SHROOM4: variants seen among roughly 807,000 people sequenced by gnomAD.
SHROOM4 encodes the protein protein Shroom4.
Under a neutral mutation model 80.3 loss-of-function variants are expected in SHROOM4, and 17 were observed. That is an observed-to-expected ratio of 0.21 (90% CI 0.14 to 0.32). The LOEUF is 0.32. Among genes scored for constraint, SHROOM4 ranks in the 10% least tolerant of loss-of-function variants. The pLI, the probability that SHROOM4 is intolerant of heterozygous loss-of-function variation, is 1.00. For missense variants in SHROOM4, 993 were observed against 1,140.3 expected (o/e 0.87, Z 1.86); for synonymous variants, 400 against 437.5 (o/e 0.91, Z 1.07).
At chrX:50,622,671 A>C (rs1482895140) in intron 5 of SHROOM4, among the ~76,000 whole-genome samples, 1 of 111,844 alleles carries the variant, frequency 8.9e-6, no homozygotes, top group Non-Finnish European at 1.9e-5. Context: ...AACATAGTAA[A>C]TGTTAAAATT....
At chrX:50,725,497 T>C (rs782687546) in intron 1 of SHROOM4, among the ~76,000 whole-genome samples, 1 of 112,387 alleles carries the variant, frequency 8.9e-6, no homozygotes, top group African/African-American at 3.2e-5. Flanking sequence ...CCATCTCAAA[T>C]TGTAATCCCC....
Position 50,610,352 on chromosome X carries a change from T to TCTCTCTCTCTCACACACACACA in SHROOM4, c.2958-2169_2958-2168insTGTGTGTGTGTGAGAGAGAGAG, listed in dbSNP as rs782591424. Among the ~76,000 whole-genome samples the TCTCTCTCTCTCACACACACACA allele has an allele frequency of 8.4e-4, 77 of 91,707 alleles. 2 individuals are homozygous for TCTCTCTCTCTCACACACACACA. Among genetic ancestry groups the TCTCTCTCTCTCACACACACACA allele is most frequent in the African/African-American group, 3.4e-3 (74 of 21,868 alleles). 79.6% of individuals were successfully genotyped at this position (91,707 alleles called of 115,157 possible). A position where few individuals can be genotyped will look rare whatever the true frequency, so the allele number is the denominator to read the frequency against. ...GGCATATTCTCTCTCTCTCTCTCTC[T>TCTCTCTCTCTCACACACACACA]CACACACACACACACACACACACAC... On this transcript the variant is annotated intron_variant, in intron 5 of 8. Coordinates refer to ENST00000376020, the MANE Select transcript of SHROOM4 (RefSeq NM_020717.5).
In SHROOM4 at chrX:50,592,684, T is replaced by C. The variant is rs1321088320; in HGVS notation, c.*4011A>G. ...GAGAGCAGATCACCAAGGCCCTTGC[T>C]TTCCAGGGAGCTGAGCATGAAGGTG... On this transcript the variant is annotated 3_prime_UTR_variant, in exon 9 of 9. Transcript: ENST00000376020. 1 of 119,862 alleles carries C rather than the reference T, an allele frequency of 8.3e-6. No individual in the cohort carries two copies. The highest frequency in any genetic ancestry group is 3.2e-5 in the African/African-American group (1 of 30,889). The allele number at this position is 119,862 out of a possible 1,213,427, so 9.9% of individuals were successfully genotyped here. A position where few individuals can be genotyped will look rare whatever the true frequency, so the allele number is the denominator to read the frequency against.
chrX:50,747,584 C>T (rs1216728523), intron 1 of SHROOM4, among the ~76,000 whole-genome samples: 5 of 112,025 alleles, frequency 4.5e-5, no homozygotes, highest in African/African-American at 1.6e-4. Context: ...CAGAAATTGG[C>T]GAAGATGCTT....
chrX:50,801,261 G>GAGAGAGAGAGAGAGA, intron 1 of SHROOM4, among the ~76,000 whole-genome samples: 1 of 81,533 alleles, frequency 1.2e-5, no homozygotes, highest in South Asian at 8.0e-4. Context: ...GAGAGAAAGA[G>GAGAGAGAGAGAGAGA]GAGAGAGAGA....
At chrX:50,664,669 C>T (rs186609745) in intron 2 of SHROOM4, among the ~76,000 whole-genome samples, 209 of 111,940 alleles carry the variant, frequency 1.9e-3, no homozygotes, top group Non-Finnish European at 3.2e-3. Context: ...GCACATTTTG[C>T]ATGTTTTCTT....
At chrX:50,605,357 T>G (rs1557248316) in intron 6 of SHROOM4, among the ~76,000 whole-genome samples, 1 of 112,562 alleles carries the variant, frequency 8.9e-6, no homozygotes, top group African/African-American at 3.2e-5. Context: ...TTAGCTATTT[T>G]GGGAATGATG....
chrX:50,612,379 C>A (rs1226875067), intron 5 of SHROOM4, among the ~76,000 whole-genome samples: 1 of 111,217 alleles, frequency 9.0e-6, no homozygotes, highest in African/African-American at 3.3e-5. Context: ...CCACCAGTTA[C>A]CATAGGAAAA....
rs1380085524 is a variant in SHROOM4 at position 50,611,218 on chromosome X, A to G, written c.2958-3034T>C. 4.8e-5 allele frequency among the ~76,000 whole-genome samples: 4 copies of G among 83,980 alleles called. No homozygotes were observed. In the East Asian group the frequency reaches 1.5e-3, roughly 32 times the overall value. 72.9% of individuals were successfully genotyped at this position (83,980 alleles called of 115,157 possible). A position where few individuals can be genotyped will look rare whatever the true frequency, so the allele number is the denominator to read the frequency against. Reference sequence around the variant, plus strand: ...GGCCGGACTGCAGTGGCGCTTTCTTAGCTCACTGCAAGCTCCGCCTCCCGG... The same window carrying G: ...GGCCGGACTGCAGTGGCGCTTTCTTGGCTCACTGCAAGCTCCGCCTCCCGG... On this transcript the variant is annotated intron_variant, in intron 5 of 8. Transcript: ENST00000376020.
chrX:50,737,436 T>A (rs1934522080), intron 1 of SHROOM4, among the ~76,000 whole-genome samples: 1 of 111,377 alleles, frequency 9.0e-6, no homozygotes, highest in Admixed American at 9.6e-5. Context: ...GAAAACAAGA[T>A]ATAACTGCAT....
intron 1 of SHROOM4, among the ~76,000 whole-genome samples, chrX:50,762,068 T>A (rs190135832): frequency 7.0e-4 from 78 of 112,182 alleles, no homozygotes; most frequent in African/African-American, 2.4e-3. Flanking sequence ...ATTTCCTCCT[T>A]CTTCCTTTGT....
intron 5 of SHROOM4, among the ~76,000 whole-genome samples, chrX:50,627,168 G>A (rs1267311854): frequency 9.0e-6 from 1 of 111,559 alleles, no homozygotes; most frequent in Non-Finnish European, 1.9e-5. Context: ...GATTTGAATG[G>A]GGTCTAGAAT....
rs1177317272 is a variant in SHROOM4, at chrX:50,594,472, G to A, written c.*2223C>T. The A allele has an allele frequency of 1.8e-5, 2 of 111,662 alleles. No individual in the cohort carries two copies. The highest frequency in any genetic ancestry group is 3.8e-5 in the Non-Finnish European group (2 of 53,157). 9.2% of individuals were successfully genotyped at this position (111,662 alleles called of 1,213,427 possible). A position where few individuals can be genotyped will look rare whatever the true frequency, so the allele number is the denominator to read the frequency against. On this transcript the variant is annotated 3_prime_UTR_variant, in exon 9 of 9. Transcript: ENST00000376020. ...AATAACAGAGTTAATAGTATTTTTG[G>A]TGTCATAAACTTAAGGTACAACCAA...
chrX:50,723,393 G>GGAGGGAGAGAGAGAGAGAGAGA (rs1557265630), intron 1 of SHROOM4, among the ~76,000 whole-genome samples: 17 of 54,467 alleles, frequency 3.1e-4, no homozygotes, highest in African/African-American at 1.1e-3. Context: ...AGCAAGGGAG[G>GGAGGGAGAGAGAGAGAGAGAGA]GAGAGAGAGA....
intron 1 of SHROOM4, among the ~76,000 whole-genome samples, chrX:50,753,948 C>A (rs782467159): frequency 8.9e-6 from 1 of 111,753 alleles, no homozygotes; most frequent in Admixed American, 9.5e-5. Flanking sequence ...CCAAATGGGG[C>A]TAATTGTCTA....
intron 2 of SHROOM4, among the ~76,000 whole-genome samples, chrX:50,691,817 C>T (rs1203152601): frequency 9.0e-6 from 1 of 111,586 alleles, no homozygotes; most frequent in African/African-American, 3.3e-5. Flanking sequence ...ACTTCTTTTA[C>T]GTGTTAAGAG....
At chrX:50,801,710 G>A (rs1044420440) in intron 1 of SHROOM4, among the ~76,000 whole-genome samples, 18 of 111,792 alleles carry the variant, frequency 1.6e-4, no homozygotes, top group Non-Finnish European at 3.2e-4. Flanking sequence ...TCCCACCAGG[G>A]CTCACGCAAC....
chrX:50,608,188 C>A lies in SHROOM4; in HGVS notation c.2958-4G>T. 1 of 1,210,763 alleles carries A rather than the reference C, an allele frequency of 8.3e-7. No homozygotes were observed. Among genetic ancestry groups the A allele is most frequent in the Non-Finnish European group, 1.1e-6 (1 of 894,952 alleles). ...AGTCTTGGAATGAGCCATTTCCCTG[C>A]AAAACATCAGATGAGTACTGAGAAA... On this transcript the variant is annotated splice_polypyrimidine_tract_variant and splice_region_variant and intron_variant, in intron 5 of 8. Coordinates refer to ENST00000376020, the MANE Select transcript of SHROOM4 (RefSeq NM_020717.5).
intron 1 of SHROOM4, among the ~76,000 whole-genome samples, chrX:50,755,561 G>A (rs187678500): frequency 1.1e-3 from 120 of 111,916 alleles, no homozygotes; most frequent in African/African-American, 3.6e-3. Flanking sequence ...TCATCACAGG[G>A]CCAAGTTCAC....
Sources: gnomAD v4.1 joint callset for allele counts (sites outside exome capture counted in the v4.1 genomes callset) on GRCh38, gnomAD v4.1.1 for gene constraint, MANE v1.5 for transcripts, NCBI Gene and HGNC (gene_info 2026-07-23, HGNC 2026-07-21) for gene names.